EFHB: variants seen among roughly 807,000 people sequenced by gnomAD.
The protein encoded by EFHB is EF-hand domain-containing family member B.
EFHB carries 91 observed loss-of-function variants against 87.2 expected under a neutral mutation model. That is an observed-to-expected ratio of 1.04 (90% confidence interval 0.88 to 1.24). EFHB has a LOEUF of 1.24. Among genes scored for constraint, EFHB ranks in the 50% most tolerant of loss-of-function variants. The pLI, the probability that EFHB is intolerant of heterozygous loss-of-function variation, is 0.00. For missense variants in EFHB, 1,084 were observed against 998.8 expected (o/e 1.09, Z -1.15); for synonymous variants, 325 against 333.6 (o/e 0.97, Z 0.28).
chr3:19,928,956 G>T (rs554266013), intron 1 of EFHB, among the ~76,000 whole-genome samples: 1 of 151,578 alleles, frequency 6.6e-6, no homozygotes, highest in East Asian at 1.9e-4. Context: ...GTTCAGCAAG[G>T]TGACCACACA....
rs147510880 is a variant in EFHB at position 19,939,370 on chromosome 3, C to CTTTTTTTTTT, written c.-31-3046_-31-3037dup. Among the ~76,000 whole-genome samples the CTTTTTTTTTT allele has an allele frequency of 6.0e-3, 388 of 64,590 alleles. 60 individuals carry two copies. Among genetic ancestry groups the CTTTTTTTTTT allele is most frequent in the African/African-American group, 0.019 (305 of 15,862 alleles). The allele number at this position is 64,590 out of a possible 152,430, so 42.4% of individuals were successfully genotyped here. A position where few individuals can be genotyped will look rare whatever the true frequency, so the allele number is the denominator to read the frequency against. On this transcript the variant is annotated intron_variant, in intron 1 of 14. Coordinates refer to the EFHB transcript ENST00000344838. Reference sequence around the variant, plus strand: ...TGCCACTCAAACTGGGTTGGGTCTCCTTTTTTTTTTTTTTTTTTTTTTTTT... The same window carrying CTTTTTTTTTT: ...TGCCACTCAAACTGGGTTGGGTCTCCTTTTTTTTTTTTTTTTTTTTTTTTTTTTTTTTTTT...
At chr3:19,937,251 C>A (rs562978731), upstream of EFHB, among the ~76,000 whole-genome samples, 2 of 151,758 alleles carry the variant, frequency 1.3e-5, no homozygotes, top group South Asian at 2.1e-4. Flanking sequence ...TTTTATGGTG[C>A]CAAATTTAAA....
chr3:19,906,275 G>A (rs1211626555), intron 5 of EFHB, among the ~76,000 whole-genome samples: 1 of 152,220 alleles, frequency 6.6e-6, no homozygotes, highest in Non-Finnish European at 1.5e-5. Flanking sequence ...GTTGTGGTAA[G>A]CCAAGATCGT....
upstream of EFHB, among the ~76,000 whole-genome samples, chr3:19,938,894 T>C (rs891261774): frequency 2.0e-5 from 3 of 152,096 alleles, no homozygotes; most frequent in Non-Finnish European, 4.4e-5. Context: ...GGCTATTTTA[T>C]GACTTTCTGG....
chr3:19,904,148 T>A (rs1488361762), intron 6 of EFHB, among the ~76,000 whole-genome samples: 1 of 152,142 alleles, frequency 6.6e-6, no homozygotes, highest in Admixed American at 6.5e-5. Flanking sequence ...ATTGTCTCCT[T>A]TAAAGAGGGC....
chr3:19,894,200 T>A (rs1415954706), intron 9 of EFHB, among the ~76,000 whole-genome samples: 1 of 152,204 alleles, frequency 6.6e-6, no homozygotes, highest in East Asian at 1.9e-4. Flanking sequence ...TTTGGCAGTG[T>A]GGTGGAAAAA....
intron 6 of EFHB, among the ~76,000 whole-genome samples, chr3:19,903,339 G>A (rs969934939): frequency 2.6e-5 from 4 of 152,060 alleles, no homozygotes; most frequent in Non-Finnish European, 4.4e-5. Context: ...ATTGATATTT[G>A]CTCTGCTCTT....
chr3:19,944,886 A>T (rs1696235216), intron 1 of EFHB, among the ~76,000 whole-genome samples: 1 of 152,218 alleles, frequency 6.6e-6, no homozygotes, highest in African/African-American at 2.4e-5. Context: ...GAAATGATGA[A>T]TAACTGATGG....
In EFHB at chr3:19,884,565, C is replaced by G; in HGVS notation, c.1984G>C (p.Glu662Gln). 2 of 1,613,912 alleles carry G rather than the reference C, an allele frequency of 1.2e-6. No individual in the cohort carries two copies. Among genetic ancestry groups the G allele is most frequent in the Non-Finnish European group, 1.7e-6 (2 of 1,179,874 alleles). ...NPTEANVEEP[E>Q]QTLLIKPEDI... ...TCTGGCTTTATGAGGAGAGTTTGTT[C>G]AGGTTCTTCAACATTAGCCTCAGTA... Residue 662 changes from glutamate to glutamine, a missense_variant, in exon 11 of 13, where the codon GAA becomes CAA. Transcript: ENST00000295824.
In EFHB at chr3:19,882,591, C is replaced by T; in HGVS notation, c.2287G>A (p.Val763Met). The change falls in exon 12 of 13, where the codon GTG becomes ATG. Residue 763 changes from valine to methionine, a missense_variant. By Grantham distance (21) the Val-to-Met change is conservative. Coordinates refer to ENST00000295824, the MANE Select transcript of EFHB (RefSeq NM_144715.4). ...LYPTIFARKGVFERDFFKTRS... is the reference protein window; with the variant it reads ...LYPTIFARKGMFERDFFKTRS... ...GTCTTGAAGAAGTCTCTTTCAAACA[C>T]TCCTTTCCGGGCAAAAATGGTAGGA... The T allele has an allele frequency of 6.2e-7, 1 of 1,611,660 alleles. No homozygotes were observed. Among genetic ancestry groups the T allele is most frequent in the Admixed American group, 1.7e-5 (1 of 59,810 alleles).
chr3:19,939,627 G>A (rs908103572), intron 1 of EFHB, among the ~76,000 whole-genome samples: 30 of 151,670 alleles, frequency 2.0e-4, no homozygotes, highest in Admixed American at 3.9e-4. Context: ...CTCGTGATCC[G>A]CCCGCCTCGA....
In EFHB at chr3:19,910,802, T is replaced by C. The variant is rs1695037770; in HGVS notation, c.1288+4501A>G. ...AAAGTAAAGGAAAAGAACATGAGCCTCTGCCTTGTAACCCAGGGAATTCTC... is the reference window on the plus strand; with the variant it reads ...AAAGTAAAGGAAAAGAACATGAGCCCCTGCCTTGTAACCCAGGGAATTCTC... On this transcript the variant is annotated intron_variant, in intron 5 of 12. Coordinates refer to ENST00000295824, the MANE Select transcript of EFHB (RefSeq NM_144715.4). 2.0e-5 allele frequency among the ~76,000 whole-genome samples: 3 copies of C among 152,222 alleles called. 1 individual carries two copies. In the South Asian group the frequency reaches 6.2e-4, roughly 31 times the overall value.
chr3:19,898,954 A>G (rs1039222524), intron 7 of EFHB, 109 bp from the exon 8 acceptor site: 14 of 1,074,998 alleles, frequency 1.3e-5, no homozygotes, highest in Non-Finnish European at 1.9e-5. Flanking sequence ...TCTCATAACC[A>G]AACTATGAAG....
chr3:19,918,169 C>A (rs2125150090), intron 4 of EFHB, 63 bp downstream of exon 4: 1 of 1,383,718 alleles, frequency 7.2e-7, no homozygotes, highest in South Asian at 1.5e-5. Context: ...GATATTTAAT[C>A]AAATTTTCCA....
Position 19,905,711 on chromosome 3 carries a change from G to A in EFHB, c.1327C>T (p.His443Tyr), listed in dbSNP as rs752117290. 3 of 1,612,796 alleles carry A rather than the reference G, an allele frequency of 1.9e-6. No individual in the cohort carries two copies. The East Asian group carries it at 6.7e-5, about 36-fold the overall frequency. The change falls in exon 6 of 13, where the codon CAT becomes TAT. Residue 443 changes from histidine (H) to tyrosine (Y), a missense_variant. Coordinates refer to ENST00000295824, the MANE Select transcript of EFHB (RefSeq NM_144715.4). ...GGTACTCCATACACACTACACCTAT[G>A]GAAACTTGATGGGTTATACTTTCGG... The part of the protein sequence containing the change: ...KNRKYNPSSF[H>Y]RCSVYGVPTP...
At chr3:19,907,300 T>C (rs752289101) in intron 5 of EFHB, among the ~76,000 whole-genome samples, 1 of 152,134 alleles carries the variant, frequency 6.6e-6, no homozygotes, top group Non-Finnish European at 1.5e-5. Context: ...TGATAGAGGG[T>C]TAATATTCAA....
chr3:19,932,258 T>C (rs1397292366), intron 1 of EFHB, among the ~76,000 whole-genome samples: 1 of 152,236 alleles, frequency 6.6e-6, no homozygotes, highest in Non-Finnish European at 1.5e-5. Flanking sequence ...TGTCATTCAG[T>C]ATCTCCCCCT....
rs1475789138 is a variant in EFHB, at chr3:19,933,976, A to G, written c.43T>C (p.Leu15=). The G allele has an allele frequency of 3.1e-6, 5 of 1,612,218 alleles. No individual in the cohort carries two copies. The highest frequency in any genetic ancestry group is 3.4e-6 in the Non-Finnish European group (4 of 1,179,112). Residue 15 remains leucine (L), a synonymous_variant, in exon 1 of 13, where the codon TTA becomes CTA. Coordinates refer to ENST00000295824, the MANE Select transcript of EFHB (RefSeq NM_144715.4). The part of the protein sequence containing the change: ...IGHPHEGKDD[L]GDKRVIMGTK... ...CCCATGATGACCCTCTTGTCTCCTA[A>G]ATCATCCTTTCCTTCGTGGGGATGT... is the stretch of plus-strand genomic sequence containing the variant.
intron 5 of EFHB, among the ~76,000 whole-genome samples, chr3:19,906,050 G>A (rs1219020288): frequency 1.3e-5 from 2 of 152,200 alleles, no homozygotes; most frequent in East Asian, 3.9e-4. Flanking sequence ...GCTGGGCACA[G>A]TAGCTCATGC....
Sources: allele counts gnomAD v4.1 joint callset (sites outside exome capture counted in the v4.1 genomes callset), GRCh38; gene constraint gnomAD v4.1.1; transcripts MANE v1.5; gene names NCBI Gene and HGNC (gene_info 2026-07-23, HGNC 2026-07-21).